Variants in LINGO2 observed in about 807,000 individuals in gnomAD.
LINGO2 encodes leucine rich repeat and Ig domain containing 2.
LINGO2 carries 14 observed loss-of-function variants against 30.6 expected under a neutral mutation model. The ratio of observed to expected loss-of-function variants is 0.46; its 90% CI spans 0.30 to 0.72. The LOEUF (loss-of-function observed/expected upper bound fraction) is 0.72, where lower values mean the gene tolerates loss of function less well. Ranked by LOEUF, LINGO2 falls within the 30% of genes least tolerant of loss-of-function variation. The probability of loss-of-function intolerance (pLI) is 0.07; values close to 1 mark genes in which losing one functional copy is unlikely to be tolerated. For missense variants in LINGO2, 729 were observed against 751.7 expected, an observed-to-expected ratio of 0.97 and a Z score of 0.35; for synonymous variants, 317 against 288.5, an observed-to-expected ratio of 1.10 and a Z score of -1.00.
chr9:28,312,170 A>C (rs1007756440), intron 3 of LINGO2, among the ~76,000 whole-genome samples: 1 of 31,384 alleles, frequency 3.2e-5, no homozygotes, highest in African/African-American at 5.9e-5. Flanking sequence ...TTTTGTATCC[A>C]GATACCAATA....
chr9:28,784,057 A>C, the LINGO2 span, among the ~76,000 whole-genome samples: 4 of 152,318 alleles, frequency 2.6e-5, no homozygotes, highest in Non-Finnish European at 2.9e-5. Context: ...TTATAATTTC[A>C]TCCTATTAGT....
intron 2 of LINGO2, among the ~76,000 whole-genome samples, chr9:28,467,154 T>C (rs1252355523): frequency 6.6e-6 from 1 of 151,892 alleles, no homozygotes; most frequent in East Asian, 1.9e-4. Flanking sequence ...GCCTCCCGAG[T>C]AGCTGGGATT....
chr9:29,081,280 C>A, the LINGO2 span, among the ~76,000 whole-genome samples: 1 of 152,192 alleles, frequency 6.6e-6, no homozygotes, highest in Admixed American at 6.5e-5. Context: ...GTTCAACATA[C>A]ACAAATCAAT....
chr9:29,028,098 C>A, the LINGO2 span, among the ~76,000 whole-genome samples: 1 of 152,070 alleles, frequency 6.6e-6, no homozygotes, highest in Non-Finnish European at 1.5e-5. Context: ...CCCAGAAAGG[C>A]CTTCTCACTA....
chr9:28,840,770 G>A, the LINGO2 span, among the ~76,000 whole-genome samples: 1 of 151,898 alleles, frequency 6.6e-6, no homozygotes, highest in African/African-American at 2.4e-5. Context: ...CTTTAACTAA[G>A]GTTATGGATC....
In LINGO2 at chr9:28,148,405, G is replaced by C; in HGVS notation, c.-86-136000C>G. On this transcript the variant is annotated intron_variant, in intron 4 of 5. Transcript: ENST00000379992. This position sits in a 1 kb window ranked among gnomAD's most constrained non-coding sequence, Gnocchi z 5.1. ...TTCAACTTCCTTCATTAGATGAGCAGGTGATCCCAGCCAGGCTCCCGAAGA... is the reference window on the plus strand; with the variant it reads ...TTCAACTTCCTTCATTAGATGAGCACGTGATCCCAGCCAGGCTCCCGAAGA... 1 of 1,292,078 alleles carries C rather than the reference G, an allele frequency of 7.7e-7. No homozygotes were observed. The highest frequency in any genetic ancestry group is 1.3e-5 in the South Asian group (1 of 78,836). 80.0% of individuals were successfully genotyped at this position (1,292,078 alleles called of 1,614,324 possible).
intron 3 of LINGO2, among the ~76,000 whole-genome samples, chr9:28,302,666 G>T (rs1021544914): frequency 6.6e-6 from 1 of 152,138 alleles, no homozygotes; most frequent in Non-Finnish European, 1.5e-5. Flanking sequence ...GTGAGAACCT[G>T]TCTCAAATAT....
chr9:29,102,080 G>A, the LINGO2 span, among the ~76,000 whole-genome samples: 2 of 145,536 alleles, frequency 1.4e-5, no homozygotes, highest in African/African-American at 2.5e-5. Context: ...GTTAACATCT[G>A]CATCTTTTTT....
chr9:28,208,693 G>A (rs1326980583), intron 4 of LINGO2, among the ~76,000 whole-genome samples: 1 of 151,894 alleles, frequency 6.6e-6, no homozygotes, highest in Non-Finnish European at 1.5e-5. Flanking sequence ...GCCTTTAACT[G>A]CTTCTTATTA....
intron 1 of LINGO2, among the ~76,000 whole-genome samples, chr9:28,479,325 G>A (rs886767212): frequency 5.3e-5 from 8 of 151,808 alleles, no homozygotes; most frequent in African/African-American, 1.9e-4. Context: ...TCTGCTAGAA[G>A]ATATTTTAGG....
At chr9:28,216,234 A>G (rs1820762235) in intron 4 of LINGO2, among the ~76,000 whole-genome samples, 1 of 151,924 alleles carries the variant, frequency 6.6e-6, no homozygotes, top group Non-Finnish European at 1.5e-5. Flanking sequence ...CTCATAGTCC[A>G]CAACCCATGG....
At chr9:28,942,071 C>T in the LINGO2 span, among the ~76,000 whole-genome samples, 87 of 152,128 alleles carry the variant, frequency 5.7e-4, no homozygotes, top group African/African-American at 1.6e-3. Context: ...TCCCCCAGGA[C>T]GGCATACCCT....
exon 6 of LINGO2, chr9:27,948,598 C>T (rs1823460748): frequency 2.4e-6 from 1 of 417,024 alleles, no homozygotes; most frequent in Non-Finnish European, 4.2e-6. Flanking sequence ...AGGTTCATTA[C>T]TGAGATCCCC....
chr9:27,969,787 A>G (rs1354924771), intron 5 of LINGO2, among the ~76,000 whole-genome samples: 1 of 152,060 alleles, frequency 6.6e-6, no homozygotes, highest in Non-Finnish European at 1.5e-5. Flanking sequence ...AGAATAGGCA[A>G]TTGAGTCTCA....
chr9:29,045,825 T>C, the LINGO2 span, among the ~76,000 whole-genome samples: 1 of 152,162 alleles, frequency 6.6e-6, no homozygotes, highest in African/African-American at 2.4e-5. Flanking sequence ...TACTTGAGCA[T>C]TGTTTTTAAT....
At chr9:29,016,332 A>C in the LINGO2 span, among the ~76,000 whole-genome samples, 1 of 152,162 alleles carries the variant, frequency 6.6e-6, no homozygotes, top group African/African-American at 2.4e-5. Context: ...TCAGTTCATA[A>C]ATTTTCAGCT....
intron 3 of LINGO2, among the ~76,000 whole-genome samples, chr9:28,308,427 A>C (rs1824461779): frequency 7.0e-6 from 1 of 143,032 alleles, no homozygotes; most frequent in South Asian, 2.3e-4. Flanking sequence ...TACAAAAATT[A>C]ATTCAAGATG....
chr9:28,826,620 A>G, the LINGO2 span, among the ~76,000 whole-genome samples: 1 of 152,224 alleles, frequency 6.6e-6, no homozygotes, highest in Admixed American at 6.5e-5. Flanking sequence ...TGACCAATTT[A>G]ATGCTGACAA....
At chr9:28,837,118 T>C in the LINGO2 span, among the ~76,000 whole-genome samples, 1 of 152,192 alleles carries the variant, frequency 6.6e-6, no homozygotes, top group Non-Finnish European at 1.5e-5. Flanking sequence ...TTCTTTTCTA[T>C]CCTGTGTTTA....
Sources: gnomAD v4.1 joint callset for allele counts (sites outside exome capture counted in the v4.1 genomes callset) on GRCh38, gnomAD v4.1.1 for gene constraint, Gnocchi (gnomAD v3.1) non-coding constraint, MANE v1.5 for transcripts, NCBI Gene and HGNC (gene_info 2026-07-23, HGNC 2026-07-21) for gene names.